The following CCAR1 variants were observed in gnomAD, a reference collection of about 807,000 sequenced individuals.
CCAR1 encodes the protein cell division cycle and apoptosis regulator 1, also known as cell division cycle and apoptosis regulator protein 1.
In CCAR1, 78 loss-of-function variants were observed where a neutral mutation model predicts 163.8. The ratio of observed to expected loss-of-function variants is 0.48; its 90% CI spans 0.40 to 0.57. The LOEUF is 0.57. Ranked by LOEUF, CCAR1 falls within the 20% of genes least tolerant of loss-of-function variation. The pLI is 0.00. For synonymous variants in CCAR1, 443 were observed against 460.7 expected (o/e 0.96, Z 0.49); for missense variants, 1,019 against 1,365.2 (o/e 0.75, Z 4.00).
intron 2 of CCAR1, among the ~76,000 whole-genome samples, chr10:68,725,136 G>A (rs1176255483): frequency 2.7e-5 from 4 of 150,358 alleles, no homozygotes; most frequent in African/African-American, 4.9e-5. Context: ...GAGAAACTCC[G>A]TCTCAAAAAA....
chr10:68,740,888 T>TTTA (rs1169731902), intron 5 of CCAR1, among the ~76,000 whole-genome samples: 2 of 116,384 alleles, frequency 1.7e-5, no homozygotes, highest in East Asian at 5.6e-4. Context: ...TTTTATTTTA[T>TTTA]TTATTTATTT....
intron 19 of CCAR1, among the ~76,000 whole-genome samples, chr10:68,777,036 A>G (rs775594800): frequency 6.6e-6 from 1 of 152,146 alleles, no homozygotes; most frequent in Non-Finnish European, 1.5e-5. Context: ...TTTAATGACA[A>G]TTCCATCTTT....
chr10:68,738,042 C>T (rs1149679), intron 4 of CCAR1, among the ~76,000 whole-genome samples, 153 bp downstream of exon 4: 133,249 of 152,222 alleles, frequency 0.88, 58,401 homozygotes, highest in African/African-American at 0.9. Flanking sequence ...AAAAAAGGAA[C>T]GTCTCCAAGG....
chr10:68,786,084 TG>T, intron 19 of CCAR1, 51 bp from the exon 20 acceptor site: 1 of 1,237,872 alleles, frequency 8.1e-7, no homozygotes, highest in South Asian at 1.3e-5. Flanking sequence ...TGTGCCCACT[TG>T]AAAGTATGTG....
intron 19 of CCAR1, among the ~76,000 whole-genome samples, chr10:68,785,207 G>C (rs1043406235): frequency 6.6e-6 from 1 of 151,010 alleles, no homozygotes; most frequent in South Asian, 2.1e-4. Context: ...GTGAGGCACC[G>C]CACCCGGCCC....
chr10:68,746,908 A>G (rs2056263904), intron 6 of CCAR1, among the ~76,000 whole-genome samples: 1 of 151,872 alleles, frequency 6.6e-6, no homozygotes, highest in Admixed American at 6.6e-5. Flanking sequence ...TATTATTATT[A>G]TACTTTAAGT....
At chr10:68,755,802 TTTTCA>T (rs2056391587) in intron 13 of CCAR1, among the ~76,000 whole-genome samples, 1 of 152,240 alleles carries the variant, frequency 6.6e-6, no homozygotes, top group Non-Finnish European at 1.5e-5. Flanking sequence ...TTGAAAATAC[TTTTCA>T]TTTCATGCAT....
intron 10 of CCAR1, among the ~76,000 whole-genome samples, chr10:68,750,121 T>C (rs1052863089): frequency 2.6e-5 from 4 of 152,174 alleles, no homozygotes; most frequent in African/African-American, 7.2e-5. Context: ...TATTCACATG[T>C]ATAGTGTATG....
At chr10:68,791,109 A>G (rs1378004620) in intron 24 of CCAR1, 98 bp from the exon 25 acceptor site, 12 of 607,826 alleles carry the variant, frequency 2.0e-5, no homozygotes, top group Non-Finnish European at 3.3e-5. Context: ...ATCACTAGAA[A>G]AAAGTATACC....
At chr10:68,738,809 G>A (rs1016267192) in intron 4 of CCAR1, among the ~76,000 whole-genome samples, 2 of 151,714 alleles carry the variant, frequency 1.3e-5, no homozygotes, top group African/African-American at 4.8e-5. Flanking sequence ...CACTTTGGGA[G>A]GCCAAGGCGG....
At chr10:68,775,497 C>CTTTTTTTTTTTTTTTTTTTTTTT (rs58856212) in intron 19 of CCAR1, among the ~76,000 whole-genome samples, 1 of 117,986 alleles carries the variant, frequency 8.5e-6, no homozygotes, top group Non-Finnish European at 1.8e-5. Context: ...GCCTCATTTT[C>CTTTTTTTTTTTTTTTTTTTTTTT]TTTTTTTTTT....
intron 10 of CCAR1, among the ~76,000 whole-genome samples, chr10:68,750,657 A>T (rs1171440677): frequency 2.0e-5 from 3 of 152,196 alleles, no homozygotes; most frequent in African/African-American, 7.2e-5. Flanking sequence ...TCAGTAATTA[A>T]TGGTGGGTTA....
chr10:68,771,322 A>G lies in CCAR1; in HGVS notation c.2415A>G (p.Lys805=), dbSNP rs1446419011. The G allele has an allele frequency of 6.2e-7, 1 of 1,610,202 alleles. No homozygotes were observed. Among genetic ancestry groups the G allele is most frequent in the South Asian group, 1.1e-5 (1 of 90,098 alleles). Residue 805 remains lysine (K), a synonymous_variant, in exon 18 of 25, where the codon AAA becomes AAG. Coordinates refer to ENST00000265872, the MANE Select transcript of CCAR1 (RefSeq NM_018237.4). ...EKEDKKEKDK[K]SKKDERKDKK... The stretch of plus-strand genomic sequence containing the variant: ...AGGACAAAAAAGAAAAGGATAAAAA[A>G]AGCAAAAAAGATGAGAGAAAAGATA...
chr10:68,773,533 G>A (rs1033106773), intron 19 of CCAR1, among the ~76,000 whole-genome samples: 4 of 152,004 alleles, frequency 2.6e-5, no homozygotes, highest in African/African-American at 9.7e-5. Flanking sequence ...CGGTAGTGGC[G>A]CGTGCCTATA....
At chr10:68,730,226 T>C (rs1325688292) in intron 2 of CCAR1, among the ~76,000 whole-genome samples, 2 of 148,924 alleles carry the variant, frequency 1.3e-5, no homozygotes, top group Non-Finnish European at 3.0e-5. Context: ...AGCCCCTCTT[T>C]TGTGTTTTAA....
chr10:68,739,397 C>T (rs558482143), intron 4 of CCAR1, among the ~76,000 whole-genome samples: 1 of 152,234 alleles, frequency 6.6e-6, no homozygotes, highest in South Asian at 2.1e-4. Flanking sequence ...GATCCACCCA[C>T]CTTGGCCTCC....
intron 21 of CCAR1, 54 bp from the exon 22 acceptor site, chr10:68,787,873 G>T: frequency 2.0e-6 from 3 of 1,510,404 alleles, no homozygotes; most frequent in African/African-American, 2.8e-5. Context: ...TTTTCTAAGA[G>T]AATCAAGAAA....
chr10:68,746,866 C>T (rs556152589), intron 6 of CCAR1, among the ~76,000 whole-genome samples: 78 of 152,228 alleles, frequency 5.1e-4, no homozygotes, highest in Non-Finnish European at 8.8e-4. Flanking sequence ...GCATGAACCA[C>T]CACACCCAGC....
At chr10:68,739,965 A>G (rs2056162247) in intron 4 of CCAR1, among the ~76,000 whole-genome samples, 1 of 152,156 alleles carries the variant, frequency 6.6e-6, no homozygotes, top group Non-Finnish European at 1.5e-5. Context: ...CTTTCTGGTA[A>G]TAGTACACTT....
Sources: allele counts gnomAD v4.1 joint callset (sites outside exome capture counted in the v4.1 genomes callset), GRCh38; gene constraint gnomAD v4.1.1; transcripts MANE v1.5; gene names NCBI Gene and HGNC (gene_info 2026-07-23, HGNC 2026-07-21).